Variants in ANKRD36 observed in about 807,000 individuals in gnomAD.
ANKRD36 encodes ankyrin repeat domain 36.
Under a neutral mutation model 278.1 loss-of-function variants are expected in ANKRD36, and 179 were observed. That is an observed-to-expected ratio of 0.64 (90% CI 0.57 to 0.73). ANKRD36 has a LOEUF of 0.73. Ranked by LOEUF, ANKRD36 falls within the 30% of genes least tolerant of loss-of-function variation. ANKRD36 has a pLI of 0.00. For synonymous variants in ANKRD36, 320 were observed against 641.1 expected (o/e 0.50, Z 7.57); for missense variants, 1,159 against 1,956.7 (o/e 0.59, Z 7.69).
chr2:97,178,875 T>A (rs941016559), intron 22 of ANKRD36, among the ~76,000 whole-genome samples: 1 of 151,644 alleles, frequency 6.6e-6, no homozygotes, highest in Non-Finnish European at 1.5e-5. Flanking sequence ...AACATGATAC[T>A]TTAACCAGAC....
intron 20 of ANKRD36, among the ~76,000 whole-genome samples, chr2:97,167,163 A>G (rs2050987009): frequency 6.6e-6 from 1 of 152,296 alleles, no homozygotes; most frequent in Non-Finnish European, 1.5e-5. Context: ...GACTGTGGAC[A>G]ACATGAGTAT....
chr2:97,118,273 A>G lies in ANKRD36; in HGVS notation c.313-71A>G, dbSNP rs565377134. On this transcript the variant is annotated intron_variant, in intron 2 of 75. Coordinates refer to ENST00000420699, the MANE Select transcript of ANKRD36 (RefSeq NM_001354587.1). ...CTCATTGGAATACCACCATATAACTAGTAGGAAATCCTACGGAGTGTTTAT... is the reference window on the plus strand; with the variant it reads ...CTCATTGGAATACCACCATATAACTGGTAGGAAATCCTACGGAGTGTTTAT... 1.6e-5 allele frequency: 25 copies of G among 1,608,066 alleles called. No individual in the cohort carries two copies. In the African/African-American group the frequency reaches 2.5e-4, roughly 16 times the overall value.
At chr2:97,175,303 A>T (rs2053898569) in intron 22 of ANKRD36, among the ~76,000 whole-genome samples, 1 of 149,192 alleles carries the variant, frequency 6.7e-6, no homozygotes, top group Non-Finnish European at 1.5e-5. Context: ...ACAATTTCAG[A>T]TCCTGTTATT....
chr2:97,208,054 G>T lies in ANKRD36; in HGVS notation c.3265+48G>T, dbSNP rs2063354721. The T allele has an allele frequency of 2.7e-6, 4 of 1,455,728 alleles. No homozygotes were observed. In the South Asian group the frequency reaches 3.7e-5, roughly 14 times the overall value. 90.2% of individuals were successfully genotyped at this position (1,455,728 alleles called of 1,614,324 possible). A position where few individuals can be genotyped will look rare whatever the true frequency, so the allele number is the denominator to read the frequency against. On this transcript the variant is annotated intron_variant, in intron 54 of 75. Transcript: ENST00000420699. ...TGTCATGTTCAGTGCAGATAGATAA[G>T]AAGTTCTCTTCCCTGAATAAATCAG...
At chr2:97,174,790 A>G (rs935339345) in intron 22 of ANKRD36, among the ~76,000 whole-genome samples, 5 of 151,824 alleles carry the variant, frequency 3.3e-5, no homozygotes, top group African/African-American at 1.2e-4. Context: ...ATTATTTTGA[A>G]ATATGTCCCA....
chr2:97,160,010 C>T (rs1379291178), intron 17 of ANKRD36, among the ~76,000 whole-genome samples: 4 of 152,270 alleles, frequency 2.6e-5, no homozygotes, highest in Non-Finnish European at 5.9e-5. Context: ...GTCTCGATCT[C>T]CTGACCTCGT....
Position 97,179,881 on chromosome 2 carries a change from T to C in ANKRD36, c.1683T>C (p.Asp561=). 1.2e-6 allele frequency: 2 copies of C among 1,605,490 alleles called. No homozygotes were observed. The highest frequency in any genetic ancestry group is 1.7e-6 in the Non-Finnish European group (2 of 1,178,326). ...PAEKATSDDK[D]SVSNIATEIK... ...TTCAGGCTACAAGTGACGACAAAGA[T>C]TCTGTTTCAAATATAGCCACAGAAA... Residue 561 remains aspartate (D), a synonymous_variant, in exon 24 of 76, where the codon GAT becomes GAC. Coordinates refer to ENST00000420699, the MANE Select transcript of ANKRD36 (RefSeq NM_001354587.1).
chr2:97,189,800 T>A (rs1266831031), intron 34 of ANKRD36, among the ~76,000 whole-genome samples: 1 of 84,058 alleles, frequency 1.2e-5, no homozygotes, highest in African/African-American at 2.7e-5. Context: ...GTTATTTATA[T>A]AATTTAGGGG....
At chr2:97,143,912 G>A (rs2043556941) in intron 8 of ANKRD36, among the ~76,000 whole-genome samples, 2 of 152,040 alleles carry the variant, frequency 1.3e-5, no homozygotes, top group African/African-American at 2.4e-5. Context: ...AAGAAATGTA[G>A]GCACATTATG....
chr2:97,172,859 A>G lies in ANKRD36; in HGVS notation c.1633+5092A>G, dbSNP rs867623732. ...TGTGTGTGTGTGTGTGTGTGTGTGT[A>G]TGTGTGTGTATTTTTTTCTCTTCTG... On this transcript the variant is annotated intron_variant, in intron 22 of 75. Coordinates refer to ENST00000420699, the MANE Select transcript of ANKRD36 (RefSeq NM_001354587.1). Among the ~76,000 whole-genome samples the G allele has an allele frequency of 1.4e-3, 153 of 107,846 alleles. 1 individual carries two copies. The highest frequency in any genetic ancestry group is 4.3e-3 in the African/African-American group (140 of 32,438). 70.8% of individuals were successfully genotyped at this position (107,846 alleles called of 152,430 possible). A position where few individuals can be genotyped will look rare whatever the true frequency, so the allele number is the denominator to read the frequency against.
At chr2:97,140,766 A>G (rs1427585745) in intron 6 of ANKRD36, among the ~76,000 whole-genome samples, 2 of 152,054 alleles carry the variant, frequency 1.3e-5, no homozygotes, top group African/African-American at 4.8e-5. Flanking sequence ...TGGTGAGAAT[A>G]ATGAAGAAAT....
At chr2:97,211,849 G>C in intron 58 of ANKRD36, 108 bp downstream of exon 58, 11 of 1,315,128 alleles carry the variant, frequency 8.4e-6, no homozygotes, top group Non-Finnish European at 1.0e-5. Context: ...TTCTGCTTCA[G>C]TATTCCTGAG....
rs1437642021 is a variant in ANKRD36, at chr2:97,149,288, T to C, written c.1035-7T>C. On this transcript the variant is annotated splice_region_variant and splice_polypyrimidine_tract_variant and intron_variant, in intron 11 of 75. Transcript: ENST00000420699. ...GCTCATTTTTGTAATATCTTTTTGC[T>C]CTGTAGGAGTCTCTACAGACCTGAT... 4.6e-6 allele frequency: 7 copies of C among 1,532,944 alleles called. 1 individual carries two copies. Among genetic ancestry groups the C allele is most frequent in the African/African-American group, 1.4e-5 (1 of 72,896 alleles). 95.0% of individuals were successfully genotyped at this position (1,532,944 alleles called of 1,614,324 possible).
At chr2:97,200,152 C>T (rs2060936443) in intron 44 of ANKRD36, among the ~76,000 whole-genome samples, 182 bp from the exon 45 acceptor site, 1 of 151,876 alleles carries the variant, frequency 6.6e-6, no homozygotes, top group African/African-American at 2.4e-5. Context: ...TTTCACAGAG[C>T]CTGTGTTCCC....
chr2:97,144,795 T>C (rs557327375), intron 10 of ANKRD36, 83 bp downstream of exon 10: 17 of 1,479,364 alleles, frequency 1.1e-5, no homozygotes, highest in Middle Eastern at 2.1e-4. Context: ...AGGGGGCTCA[T>C]TGAAGCTGCG....
chr2:97,205,121 A>G (rs1357586748), intron 50 of ANKRD36, among the ~76,000 whole-genome samples: 13 of 151,662 alleles, frequency 8.6e-5, no homozygotes, highest in Admixed American at 6.6e-4. Context: ...TTGCATTCCA[A>G]TGAAGTCCTA....
intron 11 of ANKRD36, among the ~76,000 whole-genome samples, chr2:97,146,946 C>T (rs1288497179): frequency 6.6e-6 from 1 of 151,914 alleles, no homozygotes; most frequent in African/African-American, 2.4e-5. Flanking sequence ...CCTAGATACT[C>T]CAAAACTTTG....
chr2:97,118,073 A>G lies in ANKRD36; in HGVS notation c.207A>G (p.Leu69=), dbSNP rs988451722. 7.7e-6 allele frequency: 12 copies of G among 1,554,090 alleles called. No individual in the cohort carries two copies. The African/African-American group carries it at 1.6e-4, about 21-fold the overall frequency. ...NKRDRKERTA[L]HLACATGQPE... is the part of the protein sequence containing the mutation. ...CCTGTCACTCTCACAGGACCGCCCTACATTTGGCCTGTGCCACTGGCCAAC... is the reference window on the plus strand; with the variant it reads ...CCTGTCACTCTCACAGGACCGCCCTGCATTTGGCCTGTGCCACTGGCCAAC... Residue 69 remains leucine, a synonymous_variant, in exon 2 of 76, where the codon CTA becomes CTG. Transcript: ENST00000420699.
intron 10 of ANKRD36, among the ~76,000 whole-genome samples, chr2:97,145,569 C>A (rs1344548502): frequency 1.3e-5 from 2 of 152,156 alleles, no homozygotes; most frequent in South Asian, 2.1e-4. Flanking sequence ...ATATTAAATT[C>A]TTTAATTGAC....
Sources: gnomAD v4.1 joint callset for allele counts (sites outside exome capture counted in the v4.1 genomes callset) on GRCh38, gnomAD v4.1.1 for gene constraint, MANE v1.5 for transcripts, NCBI Gene and HGNC (gene_info 2026-07-23, HGNC 2026-07-21) for gene names.